APBB2: variants seen among roughly 807,000 people sequenced by gnomAD.
APBB2 encodes amyloid beta precursor protein binding family B member 2.
In APBB2, 38 loss-of-function variants were observed where a neutral mutation model predicts 82.5. The observed-to-expected ratio is 0.46, with a 90% CI of 0.36 to 0.60. The LOEUF is 0.60. Ranked by LOEUF, APBB2 falls within the 20% of genes least tolerant of loss-of-function variation. APBB2 has a pLI of 0.00. For synonymous variants in APBB2, 341 were observed against 368.2 expected (o/e 0.93, Z 0.85); for missense variants, 772 against 972.3 (o/e 0.79, Z 2.74).
At chr4:41,000,312 G>T (rs1804868900) in intron 6 of APBB2, among the ~76,000 whole-genome samples, 2 of 152,040 alleles carry the variant, frequency 1.3e-5, no homozygotes, top group South Asian at 2.1e-4. Flanking sequence ...AGTCAAACTG[G>T]CCTAGATCCT....
rs1444558193 is a variant in APBB2, at chr4:40,812,515, G to C, written c.*3577C>G. On this transcript the variant is annotated 3_prime_UTR_variant, in exon 18 of 18. Transcript: ENST00000508593. ...TTTCTACTGGCCGTGTGGCACACAC[G>C]TTAGATGTGTATTAGGTTAAGCCTG... 6.6e-6 allele frequency: 1 copy of C among 152,246 alleles called. No individual in the cohort carries two copies. Among genetic ancestry groups the C allele is most frequent in the Non-Finnish European group, 1.5e-5 (1 of 68,060 alleles). The allele number at this position is 152,246 out of a possible 1,614,324, so 9.4% of individuals were successfully genotyped here. A position where few individuals can be genotyped will look rare whatever the true frequency, so the allele number is the denominator to read the frequency against.
At chr4:41,143,478 G>C (rs904530879) in intron 1 of APBB2, among the ~76,000 whole-genome samples, 1 of 152,226 alleles carries the variant, frequency 6.6e-6, no homozygotes, top group Non-Finnish European at 1.5e-5. Context: ...GAAAACCACA[G>C]GAATGTTCTG....
intron 6 of APBB2, among the ~76,000 whole-genome samples, chr4:40,953,782 C>T (rs1790864431): frequency 6.6e-6 from 1 of 152,200 alleles, no homozygotes; most frequent in East Asian, 1.9e-4. Flanking sequence ...GGCACTGTCA[C>T]CTGCTGACAG....
intron 4 of APBB2, among the ~76,000 whole-genome samples, chr4:41,059,315 G>C (rs1009458710): frequency 6.6e-6 from 1 of 152,230 alleles, no homozygotes; most frequent in African/African-American, 2.4e-5. Flanking sequence ...ACAAAAATTA[G>C]CCAGGCATGG....
intron 1 of APBB2, among the ~76,000 whole-genome samples, chr4:41,192,158 G>A (rs1288908713): frequency 1.3e-5 from 2 of 152,176 alleles, no homozygotes; most frequent in African/African-American, 4.8e-5. Context: ...TTGAAGGTGT[G>A]GAGAAAAGGG....
chr4:40,952,185 CAAAAAAAAAAA>C (rs61159163), intron 6 of APBB2, among the ~76,000 whole-genome samples: 1 of 111,186 alleles, frequency 9.0e-6, no homozygotes, highest in East Asian at 2.8e-4. Context: ...GACTCTGTCT[CAAAAAAAAAAA>C]AAAAAAAAAA....
At chr4:40,952,729 T>A (rs746128225) in intron 6 of APBB2, among the ~76,000 whole-genome samples, 4 of 152,188 alleles carry the variant, frequency 2.6e-5, no homozygotes, top group Non-Finnish European at 4.4e-5. Context: ...CAGCTAGAAG[T>A]CAAGGGTGGA....
chr4:41,074,784 T>C (rs1297106354), intron 3 of APBB2, among the ~76,000 whole-genome samples: 5 of 152,030 alleles, frequency 3.3e-5, no homozygotes, highest in Admixed American at 2.6e-4. Context: ...TAATTTTTTG[T>C]ATTTTTAGTA....
intron 3 of APBB2, among the ~76,000 whole-genome samples, chr4:41,071,549 C>T (rs1423301084): frequency 1.3e-5 from 2 of 151,932 alleles, no homozygotes; most frequent in Non-Finnish European, 2.9e-5. Context: ...GGCGTGGTGG[C>T]GGGCACCTGT....
At chr4:41,191,305 A>G (rs1774367241) in intron 1 of APBB2, among the ~76,000 whole-genome samples, 1 of 152,168 alleles carries the variant, frequency 6.6e-6, no homozygotes, top group African/African-American at 2.4e-5. Context: ...CCACGTGGCT[A>G]GGTTATGAAC....
At chr4:40,928,117 C>T (rs374669310) in intron 10 of APBB2, among the ~76,000 whole-genome samples, 1 of 152,108 alleles carries the variant, frequency 6.6e-6, no homozygotes, top group Non-Finnish European at 1.5e-5. Context: ...TTAACAAATG[C>T]GGCCTGAAGG....
chr4:41,082,774 C>G (rs906640729), intron 3 of APBB2, among the ~76,000 whole-genome samples: 1 of 151,906 alleles, frequency 6.6e-6, no homozygotes, highest in Non-Finnish European at 1.5e-5. Flanking sequence ...GCATTATTCA[C>G]AAAAGGAAAA....
chr4:41,186,582 C>A (rs576649264), intron 1 of APBB2, among the ~76,000 whole-genome samples: 2 of 137,374 alleles, frequency 1.5e-5, no homozygotes, highest in Admixed American at 1.4e-4. Context: ...CCTATGGAAA[C>A]ACTCAGTATT....
At chr4:41,053,151 T>TA (rs1726675500) in intron 4 of APBB2, among the ~76,000 whole-genome samples, 1 of 152,208 alleles carries the variant, frequency 6.6e-6, no homozygotes, top group Non-Finnish European at 1.5e-5. Flanking sequence ...GCATTCCAGG[T>TA]CTCAAGTTTC....
At chr4:41,138,626 T>C (rs1021676723) in intron 2 of APBB2, among the ~76,000 whole-genome samples, 5 of 152,208 alleles carry the variant, frequency 3.3e-5, no homozygotes, top group Non-Finnish European at 5.9e-5. Context: ...TGTGAGAAGA[T>C]AAATTTCATA....
At chr4:41,102,203 A>G (rs1387651265) in intron 2 of APBB2, among the ~76,000 whole-genome samples, 3 of 152,150 alleles carry the variant, frequency 2.0e-5, no homozygotes, top group Admixed American at 6.5e-5. Context: ...TGCAAAATCA[A>G]TTAGAAAGAG....
intron 1 of APBB2, among the ~76,000 whole-genome samples, chr4:41,154,116 C>T (rs1410959970): frequency 1.3e-5 from 2 of 152,186 alleles, no homozygotes; most frequent in Admixed American, 1.3e-4. Flanking sequence ...AAATGGAACA[C>T]AATCGCACAT....
At chr4:41,157,056 ACT>A (rs1306529798) in intron 1 of APBB2, among the ~76,000 whole-genome samples, 3 of 137,366 alleles carry the variant, frequency 2.2e-5, no homozygotes, top group Non-Finnish European at 3.1e-5. Context: ...ACAGAGAGAG[ACT>A]CTGTCTCAAA....
At chr4:40,891,225 C>T (rs1578227029) in intron 11 of APBB2, among the ~76,000 whole-genome samples, 1 of 152,218 alleles carries the variant, frequency 6.6e-6, no homozygotes, top group Non-Finnish European at 1.5e-5. Flanking sequence ...ACCCAGGTTT[C>T]TCAACTCCTG....
Sources: gnomAD v4.1 joint callset for allele counts (sites outside exome capture counted in the v4.1 genomes callset) on GRCh38, gnomAD v4.1.1 for gene constraint, MANE v1.5 for transcripts, NCBI Gene and HGNC (gene_info 2026-07-23, HGNC 2026-07-21) for gene names.